SCTR: variants seen among roughly 807,000 people sequenced by gnomAD.
SCTR encodes pancreatic secretin receptor.
Under a neutral mutation model 60.8 loss-of-function variants are expected in SCTR, and 56 were observed. The ratio of observed to expected loss-of-function variants is 0.92; its 90% confidence interval spans 0.74 to 1.15. The LOEUF (loss-of-function observed/expected upper bound fraction) is 1.15. Among genes scored for constraint, SCTR ranks in the 50% most tolerant of loss-of-function variants. SCTR has a pLI of 0.00. For missense variants in SCTR, 562 were observed against 550.4 expected (o/e 1.02, Z -0.21); for synonymous variants, 202 against 217.0 (o/e 0.93, Z 0.61).
intron 1 of SCTR, among the ~76,000 whole-genome samples, chr2:119,517,508 G>A (rs1679152233): frequency 6.6e-6 from 1 of 152,182 alleles, no homozygotes; most frequent in Admixed American, 6.5e-5. Flanking sequence ...TCCAGTGAAT[G>A]TGGCAAATCG....
chr2:119,498,715 C>A (rs573240197), intron 1 of SCTR, among the ~76,000 whole-genome samples: 4 of 152,058 alleles, frequency 2.6e-5, no homozygotes, highest in South Asian at 2.1e-4. Context: ...ACTTAAAAAG[C>A]TGCTTAAAGA....
intron 8 of SCTR, 142 bp downstream of exon 8, chr2:119,453,145 G>T: frequency 3.0e-6 from 2 of 669,018 alleles, no homozygotes; most frequent in Non-Finnish European, 5.3e-6. Context: ...GGGAAGCAGT[G>T]AGCATCAGTC....
intron 12 of SCTR, 34 bp downstream of exon 12, chr2:119,441,524 C>T (rs1213080028): frequency 1.1e-5 from 17 of 1,582,842 alleles, no homozygotes; most frequent in Non-Finnish European, 1.4e-5. Context: ...GCTAGGAGCT[C>T]TCCTGGGTAC....
chr2:119,441,562 C>T lies in SCTR; in HGVS notation c.1178G>A (p.Gly393Glu). 1.2e-6 allele frequency: 2 copies of T among 1,612,732 alleles called. No individual in the cohort carries two copies. Among genetic ancestry groups the T allele is most frequent in the Non-Finnish European group, 1.7e-6 (2 of 1,179,200 alleles). The change falls in exon 12 of 13, where the codon GGG becomes GAG. Residue 393 changes from glycine (G) to glutamate (E), a missense_variant. By Grantham distance (98) the Gly-to-Glu change is moderately conservative (BLOSUM62 -2). Coordinates refer to ENST00000019103, the MANE Select transcript of SCTR (RefSeq NM_002980.3). ...VVAVLYCFLNGEVQLEVQKKW... is the reference protein window; with the variant it reads ...VVAVLYCFLNEEVQLEVQKKW... ...GGGTGACCCAAGACTACTCACCTCC[C>T]CATTGAGGAAGCAGTAGAGGACGGC... is the stretch of plus-strand genomic sequence containing the variant.
intron 7 of SCTR, among the ~76,000 whole-genome samples, chr2:119,461,294 G>T (rs958375863): frequency 2.0e-5 from 3 of 152,206 alleles, no homozygotes; most frequent in African/African-American, 7.2e-5. Context: ...ACAAGTATTG[G>T]GTGGGAACGA....
intron 6 of SCTR, among the ~76,000 whole-genome samples, chr2:119,463,674 A>G (rs917738590): frequency 2.0e-5 from 3 of 152,210 alleles, no homozygotes; most frequent in African/African-American, 7.2e-5. Flanking sequence ...GGAAGGAGAA[A>G]GGGGGTTAGA....
At chr2:119,491,466 T>C (rs571455043) in intron 2 of SCTR, among the ~76,000 whole-genome samples, 1 of 152,184 alleles carries the variant, frequency 6.6e-6, no homozygotes, top group Non-Finnish European at 1.5e-5. Context: ...ACCCACATAC[T>C]GTTCTTATCT....
rs1209368834 is a variant in SCTR, at chr2:119,470,662, C to T, written c.405+2791G>A. ...GGTTAAGGCCCTGGGCTCCATTATTCGTACTGATTAGTGTAAACCAACAGT... is the reference window on the plus strand; with the variant it reads ...GGTTAAGGCCCTGGGCTCCATTATTTGTACTGATTAGTGTAAACCAACAGT... On this transcript the variant is annotated intron_variant, in intron 4 of 12. Coordinates refer to ENST00000019103, the MANE Select transcript of SCTR (RefSeq NM_002980.3). 2.0e-5 allele frequency among the ~76,000 whole-genome samples: 3 copies of T among 152,132 alleles called. No individual in the cohort carries two copies. In the East Asian group the frequency reaches 5.8e-4, roughly 29 times the overall value.
intron 9 of SCTR, among the ~76,000 whole-genome samples, chr2:119,451,145 G>T (rs747267387): frequency 8.5e-5 from 13 of 152,058 alleles, no homozygotes; most frequent in Non-Finnish European, 1.8e-4. Context: ...CCTACCCCAC[G>T]CAGGTGAGCC....
chr2:119,469,832 T>C (rs1676925390), intron 4 of SCTR, among the ~76,000 whole-genome samples: 1 of 152,154 alleles, frequency 6.6e-6, no homozygotes, highest in South Asian at 2.1e-4. Context: ...GCACCACTCC[T>C]GGAGGACATG....
chr2:119,508,681 G>T (rs1678839758), intron 1 of SCTR, among the ~76,000 whole-genome samples: 1 of 151,904 alleles, frequency 6.6e-6, no homozygotes, highest in Non-Finnish European at 1.5e-5. Flanking sequence ...GAGCCACTGT[G>T]CCTGGCCTAA....
At chr2:119,520,988 T>G (rs1679271206) in intron 1 of SCTR, among the ~76,000 whole-genome samples, 1 of 152,228 alleles carries the variant, frequency 6.6e-6, no homozygotes, top group Non-Finnish European at 1.5e-5. Context: ...CATTTTCTGT[T>G]GTCACAGCTT....
At chr2:119,460,986 G>A (rs563325963) in intron 7 of SCTR, among the ~76,000 whole-genome samples, 4 of 152,250 alleles carry the variant, frequency 2.6e-5, no homozygotes, top group African/African-American at 4.8e-5. Context: ...GTTGGAGTTC[G>A]GTACAAGGAA....
At chr2:119,468,074 T>C (rs1683912360) in intron 4 of SCTR, among the ~76,000 whole-genome samples, 1 of 152,176 alleles carries the variant, frequency 6.6e-6, no homozygotes, top group South Asian at 2.1e-4. Flanking sequence ...ATCTCATACA[T>C]ACAGAGAGAC....
At chr2:119,442,486 C>A (rs1682693248) in intron 11 of SCTR, among the ~76,000 whole-genome samples, 1 of 152,274 alleles carries the variant, frequency 6.6e-6, no homozygotes, top group Non-Finnish European at 1.5e-5. Flanking sequence ...CCACCCAGGC[C>A]TGCCTGTAGC....
chr2:119,507,425 G>A (rs951273276), intron 1 of SCTR, among the ~76,000 whole-genome samples: 1 of 152,154 alleles, frequency 6.6e-6, no homozygotes, highest in Non-Finnish European at 1.5e-5. Context: ...CAACCAATGT[G>A]TGTGTAGCCC....
intron 1 of SCTR, among the ~76,000 whole-genome samples, chr2:119,523,603 C>G (rs1679360112): frequency 6.6e-6 from 1 of 151,808 alleles, no homozygotes; most frequent in Non-Finnish European, 1.5e-5. Context: ...AGAGCTCCCT[C>G]AGGTTTTCCC....
At chr2:119,500,032 G>A (rs1192305047) in intron 1 of SCTR, among the ~76,000 whole-genome samples, 1 of 151,916 alleles carries the variant, frequency 6.6e-6, no homozygotes, top group Non-Finnish European at 1.5e-5. Context: ...TTTAAAAATG[G>A]GCAAAAGGAC....
chr2:119,520,621 T>C (rs1187140221), intron 1 of SCTR, among the ~76,000 whole-genome samples: 3 of 152,192 alleles, frequency 2.0e-5, no homozygotes, highest in African/African-American at 4.8e-5. Context: ...AAGGCTTCCA[T>C]GTGCCAGAGC....
Sources: allele counts gnomAD v4.1 joint callset (sites outside exome capture counted in the v4.1 genomes callset), GRCh38; gene constraint gnomAD v4.1.1; transcripts MANE v1.5; gene names NCBI Gene and HGNC (gene_info 2026-07-23, HGNC 2026-07-21).